KANSL1L: variants seen among roughly 807,000 people sequenced by gnomAD.
KANSL1L encodes KAT8 regulatory NSL complex subunit 1-like protein.
Under a neutral mutation model 108.6 loss-of-function variants are expected in KANSL1L, and 25 were observed. The ratio of observed to expected loss-of-function variants is 0.23; its 90% CI spans 0.17 to 0.32. KANSL1L has a LOEUF of 0.32. Among genes scored for constraint, KANSL1L ranks in the 10% least tolerant of loss-of-function variants. The pLI, the probability that KANSL1L is intolerant of heterozygous loss-of-function variation, is 1.00. For synonymous variants in KANSL1L, 405 were observed against 395.1 expected (o/e 1.03, Z -0.30); for missense variants, 1,137 against 1,125.7 (o/e 1.01, Z -0.14).
intron 6 of KANSL1L, among the ~76,000 whole-genome samples, chr2:210,063,515 G>C (rs1011459678): frequency 4.6e-5 from 7 of 152,218 alleles, no homozygotes; most frequent in African/African-American, 1.4e-4. Context: ...AAGCAGCCAG[G>C]AAGGGGGCTA....
intron 12 of KANSL1L, among the ~76,000 whole-genome samples, chr2:210,025,950 ATT>A (rs1484191121): frequency 6.6e-5 from 10 of 152,232 alleles, no homozygotes; most frequent in African/African-American, 2.4e-4. Flanking sequence ...TTAATGTTTT[ATT>A]CATTCAGGAG....
At chr2:210,071,698 T>C (rs2094508896) in intron 6 of KANSL1L, among the ~76,000 whole-genome samples, 1 of 152,178 alleles carries the variant, frequency 6.6e-6, no homozygotes. Flanking sequence ...TGCTAGCTGT[T>C]AGAACGTCAA....
In KANSL1L at chr2:210,145,579, G is replaced by C. The variant is rs370285860; in HGVS notation, c.1088+7916C>G. On this transcript the variant is annotated intron_variant, in intron 2 of 14. Transcript: ENST00000281772. ...ATAGACACAGAAACCACAGCTCCAGGGCGCAGGATACAGATTATTCCATAA... is the reference window on the plus strand; with the variant it reads ...ATAGACACAGAAACCACAGCTCCAGCGCGCAGGATACAGATTATTCCATAA... Among the ~76,000 whole-genome samples the C allele has an allele frequency of 1.7e-4, 26 of 152,316 alleles. No individual in the cohort carries two copies. The South Asian group carries it at 2.9e-3, about 17-fold the overall frequency.
intron 6 of KANSL1L, among the ~76,000 whole-genome samples, chr2:210,054,837 AAAG>A (rs371748581): frequency 6.6e-5 from 10 of 152,242 alleles, no homozygotes; most frequent in African/African-American, 1.9e-4. Context: ...CAAAAAGGAG[AAAG>A]AAGAAGAAGA....
chr2:210,129,657 T>C (rs1014463598), intron 2 of KANSL1L, among the ~76,000 whole-genome samples: 1 of 152,204 alleles, frequency 6.6e-6, no homozygotes, highest in African/African-American at 2.4e-5. Context: ...GGCATCGTTA[T>C]TAGCTAATTA....
At chr2:210,125,773 T>C (rs1221606018) in intron 3 of KANSL1L, among the ~76,000 whole-genome samples, 1 of 152,058 alleles carries the variant, frequency 6.6e-6, no homozygotes. Flanking sequence ...TTTGAAAAAA[T>C]TGTACATCTT....
intron 3 of KANSL1L, among the ~76,000 whole-genome samples, chr2:210,120,847 G>C (rs2095011277): frequency 6.6e-6 from 1 of 152,106 alleles, no homozygotes; most frequent in Non-Finnish European, 1.5e-5. Flanking sequence ...GACATGAAAA[G>C]ACACTTTTCA....
chr2:210,058,158 G>C (rs1355328515), intron 6 of KANSL1L, among the ~76,000 whole-genome samples: 3 of 152,190 alleles, frequency 2.0e-5, no homozygotes, highest in African/African-American at 2.4e-5. Context: ...CTGAGAAAGA[G>C]AATGCGTCCC....
chr2:210,132,876 C>T (rs1335221334), intron 2 of KANSL1L, among the ~76,000 whole-genome samples: 2 of 152,158 alleles, frequency 1.3e-5, no homozygotes, highest in Non-Finnish European at 2.9e-5. Context: ...TTATGTAGGA[C>T]TGGAATGGTT....
In KANSL1L at chr2:210,104,133, T is replaced by C. The variant is rs750836019; in HGVS notation, c.1399A>G (p.Thr467Ala). ...TTTTCGATGTTTCGAAGAAGTAAAG[T>C]AGGGCTGCTTGGTGACATTTCAAAA... ...QDFEMSPSSP[T>A]LLLRNIEKQS... is the part of the protein sequence containing the mutation. The change falls in exon 4 of 15, where the codon ACT becomes GCT. Residue 467 changes from threonine (T) to alanine (A), a missense_variant. Around this residue, in one of 3 missense-constraint regions of KANSL1L, gnomAD observed 6 missense variants for 20.9 expected, o/e 0.29. Coordinates refer to ENST00000281772, the MANE Select transcript of KANSL1L (RefSeq NM_152519.4). The C allele has an allele frequency of 1.7e-5, 28 of 1,613,986 alleles. No individual in the cohort carries two copies. The East Asian group carries it at 4.7e-4, about 27-fold the overall frequency.
chr2:210,134,101 T>C (rs2095152522), intron 2 of KANSL1L, among the ~76,000 whole-genome samples: 1 of 152,178 alleles, frequency 6.6e-6, no homozygotes, highest in African/African-American at 2.4e-5. Flanking sequence ...TCATTCCATT[T>C]TTCTGGCTTA....
chr2:210,100,812 A>AT (rs897794327), intron 4 of KANSL1L, among the ~76,000 whole-genome samples: 2 of 151,920 alleles, frequency 1.3e-5, no homozygotes, highest in African/African-American at 4.8e-5. Flanking sequence ...TACTTTTTGT[A>AT]TTTTTTGTAG....
chr2:210,083,728 C>T (rs1260452074), intron 5 of KANSL1L, among the ~76,000 whole-genome samples: 1 of 149,494 alleles, frequency 6.7e-6, no homozygotes, highest in Non-Finnish European at 1.5e-5. Context: ...ACTTGGGAGG[C>T]TGAGGCAGGA....
chr2:210,106,130 T>G (rs2094844692), intron 3 of KANSL1L, among the ~76,000 whole-genome samples: 1 of 152,180 alleles, frequency 6.6e-6, no homozygotes, highest in Admixed American at 6.5e-5. Context: ...TCTGTTGTCT[T>G]ATTAGAAAGT....
chr2:210,137,597 ATAT>A (rs1387274566), intron 2 of KANSL1L, among the ~76,000 whole-genome samples: 1 of 152,218 alleles, frequency 6.6e-6, no homozygotes, highest in African/African-American at 2.4e-5. Flanking sequence ...ATTATGCAAC[ATAT>A]TATTTTAAAT....
At chr2:210,160,618 C>G (rs546578045) in intron 1 of KANSL1L, among the ~76,000 whole-genome samples, 2 of 152,278 alleles carry the variant, frequency 1.3e-5, no homozygotes, top group South Asian at 4.1e-4. Context: ...CAAGATGATG[C>G]ACATGGTCTT....
intron 4 of KANSL1L, among the ~76,000 whole-genome samples, chr2:210,101,564 C>T (rs938785728): frequency 4.0e-5 from 6 of 151,872 alleles, no homozygotes; most frequent in African/African-American, 7.3e-5. Flanking sequence ...AGGATCAAAC[C>T]GAACAAGGGT....
intron 3 of KANSL1L, among the ~76,000 whole-genome samples, chr2:210,127,419 T>C (rs1021956039): frequency 6.6e-6 from 1 of 151,870 alleles, no homozygotes; most frequent in Admixed American, 6.6e-5. Context: ...AAGGCACAGG[T>C]AATAAAAGAA....
intron 5 of KANSL1L, among the ~76,000 whole-genome samples, chr2:210,096,186 G>A (rs772539312): frequency 2.6e-5 from 4 of 152,148 alleles, no homozygotes; most frequent in Non-Finnish European, 5.9e-5. Flanking sequence ...ATTAAAAAAT[G>A]TAATTTAGTA....
Sources: allele counts gnomAD v4.1 joint callset (sites outside exome capture counted in the v4.1 genomes callset), GRCh38; gene constraint gnomAD v4.1.1; regional missense constraint gnomAD v4.1.1; transcripts MANE v1.5; gene names NCBI Gene and HGNC (gene_info 2026-07-23, HGNC 2026-07-21).